The following KCNH1 variants were observed in gnomAD, a reference collection of about 807,000 sequenced individuals.
KCNH1 encodes voltage-gated delayed rectifier potassium channel KCNH1.
Under a neutral mutation model 69.2 loss-of-function variants are expected in KCNH1, and 27 were observed. The observed-to-expected ratio is 0.39, with a 90% CI of 0.29 to 0.54. KCNH1 has a LOEUF of 0.54. Ranked by LOEUF, KCNH1 falls within the 20% of genes least tolerant of loss-of-function variation. The probability of loss-of-function intolerance (pLI) is 0.68; values close to 1 mark genes in which losing one functional copy is unlikely to be tolerated. For missense variants in KCNH1, 798 were observed against 1,261.6 expected (o/e 0.63, Z 5.57); for synonymous variants, 456 against 487.7 (o/e 0.93, Z 0.86).
intron 6 of KCNH1, among the ~76,000 whole-genome samples, chr1:211,011,645 C>T (rs927313809): frequency 2.6e-5 from 4 of 152,098 alleles, no homozygotes; most frequent in African/African-American, 9.7e-5. Flanking sequence ...ATCACAGTTT[C>T]ACGGTTAATC....
intron 7 of KCNH1, among the ~76,000 whole-genome samples, chr1:210,850,200 T>C (rs562159717): frequency 6.6e-6 from 1 of 152,164 alleles, no homozygotes; most frequent in African/African-American, 2.4e-5. Context: ...AATTAACTTT[T>C]ATCTAAAAAC....
At chr1:210,721,487 G>A (rs1682455910) in intron 10 of KCNH1, among the ~76,000 whole-genome samples, 1 of 152,164 alleles carries the variant, frequency 6.6e-6, no homozygotes, top group African/African-American at 2.4e-5. Context: ...TTAGAATAAT[G>A]AGATCTGAGA....
chr1:211,116,350 T>C (rs150863125), intron 1 of KCNH1, among the ~76,000 whole-genome samples: 111 of 152,250 alleles, frequency 7.3e-4, no homozygotes, highest in African/African-American at 2.7e-3. Context: ...GCAGTAGTCT[T>C]TAATGGAATC....
At chr1:210,964,874 C>A (rs1312544014) in intron 6 of KCNH1, among the ~76,000 whole-genome samples, 2 of 152,164 alleles carry the variant, frequency 1.3e-5, no homozygotes, top group East Asian at 3.8e-4. Context: ...CAAACCGAAT[C>A]CAGCAGCACA....
chr1:210,998,351 G>C (rs892088656), intron 6 of KCNH1, among the ~76,000 whole-genome samples: 2 of 152,094 alleles, frequency 1.3e-5, no homozygotes, highest in Admixed American at 6.6e-5. Flanking sequence ...AAAAAGGCAG[G>C]GGTTGCAATC....
intron 4 of KCNH1, among the ~76,000 whole-genome samples, chr1:211,088,144 T>G (rs1385399773): frequency 6.6e-6 from 1 of 152,202 alleles, no homozygotes; most frequent in Non-Finnish European, 1.5e-5. Context: ...AATATGGTGG[T>G]GGGAAAACAT....
chr1:210,890,170 A>G (rs976121169), intron 7 of KCNH1, among the ~76,000 whole-genome samples: 1 of 152,202 alleles, frequency 6.6e-6, no homozygotes, highest in African/African-American at 2.4e-5. Context: ...TAACCAAATC[A>G]GCTCGGTACT....
At chr1:210,741,940 TG>T (rs1439510054) in intron 10 of KCNH1, among the ~76,000 whole-genome samples, 2 of 152,200 alleles carry the variant, frequency 1.3e-5, no homozygotes, top group Admixed American at 1.3e-4. Flanking sequence ...ATGGGATTCC[TG>T]GCAGGCAAAA....
At chr1:210,703,696 G>C (rs1160826996) in intron 10 of KCNH1, among the ~76,000 whole-genome samples, 1 of 152,146 alleles carries the variant, frequency 6.6e-6, no homozygotes, top group Non-Finnish European at 1.5e-5. Context: ...AGATCTCTGA[G>C]GACAGAGACT....
intron 7 of KCNH1, among the ~76,000 whole-genome samples, chr1:210,879,697 C>T (rs1415776997): frequency 6.6e-6 from 1 of 152,026 alleles, no homozygotes; most frequent in Non-Finnish European, 1.5e-5. Context: ...ACATTAGGAA[C>T]AAGGTAAGTA....
At chr1:211,002,308 GTATACGTGTATA>G (rs1253084306) in intron 6 of KCNH1, among the ~76,000 whole-genome samples, 4 of 139,220 alleles carry the variant, frequency 2.9e-5, no homozygotes, top group African/African-American at 1.1e-4. Context: ...ATGTATACAT[GTATACGTGTATA>G]TATATATGTG....
chr1:211,091,515 G>T (rs1438495686), intron 3 of KCNH1, among the ~76,000 whole-genome samples: 3 of 152,060 alleles, frequency 2.0e-5, no homozygotes, highest in Non-Finnish European at 4.4e-5. Context: ...AAATCTAAAA[G>T]ATCCAATACA....
chr1:210,893,746 T>C (rs1203246957), intron 7 of KCNH1, among the ~76,000 whole-genome samples: 1 of 152,084 alleles, frequency 6.6e-6, no homozygotes, highest in African/African-American at 2.4e-5. Flanking sequence ...CCCTGTAAAG[T>C]TGTGTCATAG....
At chr1:210,965,730 A>G (rs1488784735) in intron 6 of KCNH1, among the ~76,000 whole-genome samples, 2 of 152,218 alleles carry the variant, frequency 1.3e-5, no homozygotes, top group Non-Finnish European at 2.9e-5. Flanking sequence ...AGGAAATAAG[A>G]GAGGACATAA....
chr1:210,725,900 T>G (rs534340240), intron 10 of KCNH1, among the ~76,000 whole-genome samples: 1 of 152,260 alleles, frequency 6.6e-6, no homozygotes, highest in African/African-American at 2.4e-5. Flanking sequence ...AAATGTCACT[T>G]TCTCTGCAAA....
chr1:210,738,753 A>C (rs565855593), intron 10 of KCNH1, among the ~76,000 whole-genome samples: 67 of 151,048 alleles, frequency 4.4e-4, no homozygotes, highest in African/African-American at 1.6e-3. Context: ...TTTTTTTGTA[A>C]AATGATCTTG....
intron 10 of KCNH1, among the ~76,000 whole-genome samples, chr1:210,703,884 G>C (rs2149012426): frequency 6.6e-6 from 1 of 152,280 alleles, no homozygotes; most frequent in Non-Finnish European, 1.5e-5. Context: ...GAGCAGGAGG[G>C]CATAGAAGGA....
intron 10 of KCNH1, among the ~76,000 whole-genome samples, chr1:210,686,644 CT>C (rs971046502): frequency 2.0e-5 from 3 of 152,130 alleles, no homozygotes; most frequent in African/African-American, 7.2e-5. Flanking sequence ...GAGATGATGG[CT>C]TTTAGAGCTC....
chr1:211,102,447 A>G (rs980946727), intron 3 of KCNH1, among the ~76,000 whole-genome samples: 3 of 152,160 alleles, frequency 2.0e-5, no homozygotes, highest in African/African-American at 7.2e-5. Flanking sequence ...TGGGGTGGGA[A>G]CTAGATCTGC....
Sources: allele counts gnomAD v4.1 joint callset (sites outside exome capture counted in the v4.1 genomes callset), GRCh38; gene constraint gnomAD v4.1.1; transcripts MANE v1.5; gene names NCBI Gene and HGNC (gene_info 2026-07-23, HGNC 2026-07-21).